The following ZNF33B variants were observed in gnomAD, a reference collection of about 807,000 sequenced individuals.
ZNF33B encodes zinc finger protein 11b (KOX 2).
A neutral mutation model predicts 45.8 loss-of-function variants in ZNF33B; 29 were observed. The ratio of observed to expected loss-of-function variants is 0.63; its 90% CI spans 0.47 to 0.86. ZNF33B has a LOEUF of 0.86. ZNF33B is among the 40% of genes least tolerant of loss of function. ZNF33B has a pLI of 0.00. For synonymous variants in ZNF33B, 305 were observed against 307.8 expected (o/e 0.99, Z 0.10); for missense variants, 831 against 909.9 (o/e 0.91, Z 1.12).
chr10:42,603,065 AGTG>A (rs1837691935), intron 4 of ZNF33B, among the ~76,000 whole-genome samples: 1 of 152,212 alleles, frequency 6.6e-6, no homozygotes. Context: ...GTCTGAGAAT[AGTG>A]GAGTACAATG....
In ZNF33B at chr10:42,594,453, T is replaced by A. The variant is rs191067438; in HGVS notation, c.497A>T (p.Lys166Met). ...VISKINYLGK[K>M]SDEFNACGKL... is the part of the protein sequence containing the mutation. ...CCCACATGCATTAAATTCGTCAGAC[T>A]TTTTTCCTAAATAGTTTATCTTACT... The change falls in exon 5 of 5, where the codon AAG becomes ATG. Residue 166 changes from lysine (K) to methionine (M), a missense_variant. By Grantham distance (95) the Lys-to-Met change is moderately conservative. Transcript: ENST00000359467. 23 of 1,613,646 alleles carry A rather than the reference T, an allele frequency of 1.4e-5. No individual in the cohort carries two copies. The East Asian group carries it at 4.5e-4, about 31-fold the overall frequency.
chr10:42,635,868 C>T (rs1188550927), intron 2 of ZNF33B, among the ~76,000 whole-genome samples: 2 of 141,830 alleles, frequency 1.4e-5, no homozygotes, highest in Non-Finnish European at 3.0e-5. Flanking sequence ...CAGTGGCTCA[C>T]GCCTGTAATC....
rs771061130 is a variant in ZNF33B, at chr10:42,594,571, T to A, written c.379A>T (p.Asn127Tyr). 28 of 1,613,392 alleles carry A rather than the reference T, an allele frequency of 1.7e-5. No individual in the cohort carries two copies. Among genetic ancestry groups the A allele is most frequent in the Non-Finnish European group, 2.1e-5 (25 of 1,179,746 alleles). The change falls in exon 5 of 5, where the codon AAC (asparagine) becomes TAC (tyrosine). Residue 127 changes from asparagine (N) to tyrosine (Y), a missense_variant. Physicochemically the swap from Asn to Tyr is moderately radical, Grantham distance 143 (BLOSUM62 -2). Coordinates refer to ENST00000359467, the MANE Select transcript of ZNF33B (RefSeq NM_006955.3). ...EQGNVIGIPF[N>Y]MDVSSFPSRK... ...GAAGGAAAAGAACTTACGTCCATGT[T>A]AAATGGTATTCCTATTACATTACCT...
intron 4 of ZNF33B, among the ~76,000 whole-genome samples, chr10:42,615,876 G>A (rs914343413): frequency 2.0e-5 from 3 of 151,330 alleles, no homozygotes; most frequent in African/African-American, 7.3e-5. Context: ...AGTGAGCCGA[G>A]ATCACGCCAC....
intron 4 of ZNF33B, among the ~76,000 whole-genome samples, chr10:42,625,752 CA>C (rs1838780331): frequency 6.6e-6 from 1 of 152,266 alleles, no homozygotes; most frequent in Admixed American, 6.5e-5. Flanking sequence ...GGATTATAGG[CA>C]TGAGCCACCA....
intron 4 of ZNF33B, among the ~76,000 whole-genome samples, chr10:42,601,578 A>G (rs542171265): frequency 5.6e-4 from 80 of 141,824 alleles, no homozygotes; most frequent in Non-Finnish European, 6.0e-4. Flanking sequence ...TGTTCAGGTG[A>G]TTCTCCTGCC....
At chr10:42,637,458 T>C (rs1348204759) in intron 1 of ZNF33B, among the ~76,000 whole-genome samples, 1 of 152,240 alleles carries the variant, frequency 6.6e-6, no homozygotes, top group African/African-American at 2.4e-5. Context: ...CTAACTTTGT[T>C]GCTATTTCTC....
chr10:42,622,268 TGATCTACA>T (rs1202771274), intron 4 of ZNF33B, among the ~76,000 whole-genome samples: 8 of 152,324 alleles, frequency 5.3e-5, no homozygotes, highest in African/African-American at 1.9e-4. Context: ...CCATCCAAAA[TGATCTACA>T]GATTTAACAC....
intron 1 of ZNF33B, chr10:42,574,747 T>C (rs1836722829): frequency 2.6e-5 from 4 of 152,246 alleles, no homozygotes; most frequent in Admixed American, 6.5e-5. Context: ...GTCTGTTTTT[T>C]CTCTTGACTT....
intron 2 of ZNF33B, among the ~76,000 whole-genome samples, chr10:42,635,568 T>C (rs1365074335): frequency 6.6e-6 from 1 of 152,214 alleles, no homozygotes; most frequent in African/African-American, 2.4e-5. Flanking sequence ...TCCCAGCACT[T>C]TGGGAGGCCG....
Position 42,593,130 on chromosome 10 carries a change from T to C in ZNF33B, c.1820A>G (p.Lys607Arg). The C allele has an allele frequency of 6.8e-6, 11 of 1,613,918 alleles. No individual in the cohort carries two copies. Among genetic ancestry groups the C allele is most frequent in the African/African-American group, 1.3e-5 (1 of 74,960 alleles). ...TCCACATTCATTACATTCATAGGGTTTCTCCCCTGTATGTGTTCTATTATG... is the reference window on the plus strand; with the variant it reads ...TCCACATTCATTACATTCATAGGGTCTCTCCCCTGTATGTGTTCTATTATG... ...TKHNRTHTGE[K>R]PYECNECGKT... The change falls in exon 5 of 5, where the codon AAA (lysine) becomes AGA (arginine). Residue 607 changes from lysine (K) to arginine (R), a missense_variant. By Grantham distance (26) the Lys-to-Arg change is conservative. Transcript: ENST00000359467.
chr10:42,587,953 C>G (rs1221559635), downstream of ZNF33B, among the ~76,000 whole-genome samples: 1 of 152,228 alleles, frequency 6.6e-6, no homozygotes, highest in Non-Finnish European at 1.5e-5. Flanking sequence ...CCTTAGGCAA[C>G]TGGAGTGCCA....
rs138123967 is a variant in ZNF33B, at chr10:42,636,488, G to C, written c.9+432C>G. ...TGATCTGTTACTTTATATTTTCTGG[G>C]AAGTTCAATTTTTATCTATTACTAA... On this transcript the variant is annotated intron_variant, in intron 2 of 4. Coordinates refer to ENST00000359467, the MANE Select transcript of ZNF33B (RefSeq NM_006955.3). 4.9e-3 allele frequency among the ~76,000 whole-genome samples: 746 copies of C among 152,226 alleles called. 2 individuals are homozygous for C. The highest frequency in any genetic ancestry group is 0.037 in the Middle Eastern group (11 of 294).
intron 4 of ZNF33B, among the ~76,000 whole-genome samples, chr10:42,625,340 A>C (rs1838759167): frequency 6.6e-6 from 1 of 151,744 alleles, no homozygotes; most frequent in Non-Finnish European, 1.5e-5. Flanking sequence ...TCTATGGAAT[A>C]AGTGGTATTA....
intron 4 of ZNF33B, among the ~76,000 whole-genome samples, chr10:42,614,594 A>G (rs1838234677): frequency 6.6e-6 from 1 of 152,228 alleles, no homozygotes; most frequent in Non-Finnish European, 1.5e-5. Context: ...TCTGTAAGTC[A>G]TGAAATAAAG....
intron 4 of ZNF33B, among the ~76,000 whole-genome samples, chr10:42,607,457 C>A (rs1837910362): frequency 6.6e-6 from 1 of 152,066 alleles, no homozygotes; most frequent in Admixed American, 6.6e-5. Context: ...GATGGCCACA[C>A]TAAAAGCCCA....
At chr10:42,635,683 G>A (rs1252083533) in intron 2 of ZNF33B, among the ~76,000 whole-genome samples, 1 of 151,484 alleles carries the variant, frequency 6.6e-6, no homozygotes, top group Non-Finnish European at 1.5e-5. Context: ...GGTGGCGCAT[G>A]CCTATAATTC....
chr10:42,622,245 T>A (rs1838623464), intron 4 of ZNF33B, among the ~76,000 whole-genome samples: 1 of 152,218 alleles, frequency 6.6e-6, no homozygotes, highest in African/African-American at 2.4e-5. Flanking sequence ...GTCATATTTT[T>A]AAAAGGCTAA....
intron 4 of ZNF33B, among the ~76,000 whole-genome samples, chr10:42,607,010 T>C (rs937018724): frequency 1.4e-4 from 22 of 152,162 alleles, no homozygotes; most frequent in African/African-American, 4.8e-4. Flanking sequence ...ATGTTGAGCA[T>C]GTTGGCACTC....
Sources: gnomAD v4.1 joint callset for allele counts (sites outside exome capture counted in the v4.1 genomes callset) on GRCh38, gnomAD v4.1.1 for gene constraint, MANE v1.5 for transcripts, NCBI Gene and HGNC (gene_info 2026-07-23, HGNC 2026-07-21) for gene names.